Variants in SAMSN1 observed in about 807,000 individuals in gnomAD.
SAMSN1 encodes SAM domain, SH3 domain and nuclear localization signals 1.
Under a neutral mutation model 42.0 loss-of-function variants are expected in SAMSN1, and 31 were observed. The observed-to-expected ratio is 0.74, with a 90% CI of 0.55 to 1.00. The LOEUF is 1.00. SAMSN1 is among the 50% of genes least tolerant of loss of function. The pLI, the probability that SAMSN1 is intolerant of heterozygous loss-of-function variation, is 0.00. For synonymous variants in SAMSN1, 178 were observed against 151.9 expected (o/e 1.17, Z -1.26); for missense variants, 464 against 439.4 (o/e 1.06, Z -0.50).
intron 4 of SAMSN1, among the ~76,000 whole-genome samples, chr21:14,611,746 G>A (rs539694980): frequency 9.8e-5 from 15 of 152,292 alleles, no homozygotes; most frequent in African/African-American, 3.6e-4. Flanking sequence ...TGGGAGAATT[G>A]AAACCTGATT....
At chr21:14,582,847 A>C (rs1981792972) in intron 1 of SAMSN1, among the ~76,000 whole-genome samples, 1 of 150,936 alleles carries the variant, frequency 6.6e-6, no homozygotes, top group Non-Finnish European at 1.5e-5. Context: ...TATTTTTTTA[A>C]TTTTTAAGGT....
upstream of SAMSN1, among the ~76,000 whole-genome samples, chr21:14,546,617 A>G (rs1425793093): frequency 6.6e-6 from 1 of 152,126 alleles, no homozygotes; most frequent in African/African-American, 2.4e-5. Flanking sequence ...AAAAAAGAAA[A>G]AATCGGAGCC....
upstream of SAMSN1, among the ~76,000 whole-genome samples, chr21:14,548,820 C>A (rs1367741277): frequency 1.3e-5 from 2 of 151,248 alleles, no homozygotes; most frequent in African/African-American, 2.4e-5. Context: ...CACAGAGTGA[C>A]CCAGCAAGCT....
intron 4 of SAMSN1, among the ~76,000 whole-genome samples, chr21:14,610,850 T>G (rs1600962330): frequency 6.6e-6 from 1 of 152,356 alleles, no homozygotes; most frequent in East Asian, 1.9e-4. Context: ...CCATATATGA[T>G]AGAATGCTGT....
chr21:14,655,657 G>A (rs1014780513), intron 1 of SAMSN1, among the ~76,000 whole-genome samples: 2 of 151,664 alleles, frequency 1.3e-5, no homozygotes, highest in African/African-American at 2.4e-5. Flanking sequence ...TCCTTAACCT[G>A]AGTAGAGTTA....
intron 2 of SAMSN1, among the ~76,000 whole-genome samples, chr21:14,631,535 T>G (rs1325305454): frequency 6.6e-6 from 1 of 152,026 alleles, no homozygotes; most frequent in African/African-American, 2.4e-5. Context: ...ACCCGGCAAT[T>G]TTTTGTATTT....
At chr21:14,656,202 CA>C (rs1167857304) in intron 1 of SAMSN1, among the ~76,000 whole-genome samples, 1 of 151,688 alleles carries the variant, frequency 6.6e-6, no homozygotes, top group African/African-American at 2.4e-5. Flanking sequence ...TATAATTTGA[CA>C]ATATGAACCT....
At chr21:14,532,598 A>C (rs1209064135) in intron 1 of SAMSN1, among the ~76,000 whole-genome samples, 1 of 152,198 alleles carries the variant, frequency 6.6e-6, no homozygotes, top group Non-Finnish European at 1.5e-5. Context: ...GGTAAAAAGA[A>C]ACTCAGTTTA....
At chr21:14,628,655 A>T (rs912368902) in intron 2 of SAMSN1, among the ~76,000 whole-genome samples, 1 of 152,158 alleles carries the variant, frequency 6.6e-6, no homozygotes, top group Non-Finnish European at 1.5e-5. Flanking sequence ...GTGACAGAAA[A>T]GTCTCCCAAG....
At chr21:14,532,544 A>C (rs188332245) in intron 1 of SAMSN1, among the ~76,000 whole-genome samples, 20 of 152,334 alleles carry the variant, frequency 1.3e-4, no homozygotes, top group African/African-American at 4.8e-4. Context: ...GAATACTTCA[A>C]TCTCCTGAGG....
chr21:14,522,700 A>G (rs939697688), intron 1 of SAMSN1, among the ~76,000 whole-genome samples: 1 of 152,230 alleles, frequency 6.6e-6, no homozygotes, highest in Non-Finnish European at 1.5e-5. Context: ...TAAAGACCCA[A>G]ACACTTCTAA....
intron 4 of SAMSN1, among the ~76,000 whole-genome samples, chr21:14,510,728 G>A (rs548340666): frequency 3.9e-5 from 6 of 152,152 alleles, no homozygotes; most frequent in South Asian, 2.1e-4. Flanking sequence ...CTCCGTAATC[G>A]GATCCAGTGC....
At chr21:14,649,010 G>A (rs1281894820) in intron 1 of SAMSN1, among the ~76,000 whole-genome samples, 1 of 151,812 alleles carries the variant, frequency 6.6e-6, no homozygotes, top group Admixed American at 6.6e-5. Flanking sequence ...GCAAAGACTT[G>A]GAACCAACCC....
At chr21:14,644,924 G>A (rs770744744) in intron 1 of SAMSN1, among the ~76,000 whole-genome samples, 1 of 152,150 alleles carries the variant, frequency 6.6e-6, no homozygotes, top group South Asian at 2.1e-4. Context: ...ACAGAGTGAG[G>A]CTCCTCTGTC....
intron 1 of SAMSN1, among the ~76,000 whole-genome samples, chr21:14,537,153 G>A (rs150455689): frequency 3.1e-3 from 469 of 152,230 alleles, no homozygotes; most frequent in Non-Finnish European, 5.3e-3. Context: ...AGCTCTTTGC[G>A]GCGGCTCTTC....
chr21:14,545,366 A>C (rs936388918), intron 1 of SAMSN1, among the ~76,000 whole-genome samples: 7 of 152,066 alleles, frequency 4.6e-5, no homozygotes, highest in African/African-American at 1.4e-4. Flanking sequence ...AAAAATCTGG[A>C]CTCAGCTATT....
chr21:14,564,242 G>A lies in SAMSN1; in HGVS notation c.261+17894C>T, dbSNP rs139650466. On this transcript the variant is annotated intron_variant, in intron 2 of 8. Transcript: ENST00000285670. ...TATGGAGACGCCGATGGAGAATATG[G>A]ATTATATGTTTTAAAGCCACCATTT... is the stretch of plus-strand genomic sequence containing the variant. Among the ~76,000 whole-genome samples, 900 of 152,138 alleles carry A rather than the reference G, an allele frequency of 5.9e-3. 5 individuals are homozygous for A. Among genetic ancestry groups the A allele is most frequent in the African/African-American group, 0.02 (848 of 41,500 alleles).
At chr21:14,534,424 T>TA (rs1979465406) in intron 1 of SAMSN1, among the ~76,000 whole-genome samples, 1 of 151,996 alleles carries the variant, frequency 6.6e-6, no homozygotes, top group Admixed American at 6.6e-5. Flanking sequence ...TGGGAGCACA[T>TA]ACTGAAAAAC....
chr21:14,512,413 C>G (rs1285799474), intron 4 of SAMSN1, 31 bp downstream of exon 4: 8 of 1,609,730 alleles, frequency 5.0e-6, no homozygotes, highest in Non-Finnish European at 6.8e-6. Context: ...ACCTCACACC[C>G]AGGATCTTGT....
Sources: gnomAD v4.1 joint callset for allele counts (sites outside exome capture counted in the v4.1 genomes callset) on GRCh38, gnomAD v4.1.1 for gene constraint, MANE v1.5 for transcripts, NCBI Gene and HGNC (gene_info 2026-07-23, HGNC 2026-07-21) for gene names.